The following RPS3A variants were observed in gnomAD, a reference collection of about 807,000 sequenced individuals.
RPS3A encodes small ribosomal subunit protein eS1.
RPS3A carries 1 observed loss-of-function variant against 26.4 expected under a neutral mutation model. The ratio of observed to expected loss-of-function variants is 0.04; its 90% CI spans 0.01 to 0.18. RPS3A has a LOEUF of 0.18. Ranked by LOEUF, RPS3A falls within the 10% of genes least tolerant of loss-of-function variation. The pLI is 1.00. For synonymous variants in RPS3A, 97 were observed against 106.1 expected (o/e 0.91, Z 0.53); for missense variants, 139 against 326.8 (o/e 0.43, Z 4.43).
At position 151,104,641 on chromosome 4, in the gene RPS3A, T is replaced by C. The variant is rs772959029; in HGVS notation, c.*48T>C. 4 of 1,556,426 alleles carry C rather than the reference T, an allele frequency of 2.6e-6. No individual in the cohort carries two copies. Among genetic ancestry groups the C allele is most frequent in the Non-Finnish European group, 1.7e-6 (2 of 1,167,172 alleles). On this transcript the variant is annotated 3_prime_UTR_variant, in exon 6 of 6. Coordinates refer to ENST00000274065, the MANE Select transcript of RPS3A (RefSeq NM_001006.5). The stretch of plus-strand genomic sequence containing the variant: ...AAATAAAAAGTGCTATTTGTGATGG[T>C]TTGCTTCTGAACATTCTTTTTTTAA...
At chr4:151,102,715 G>A (rs1747183693) in intron 3 of RPS3A, 156 bp from the exon 4 acceptor site, 2 of 925,396 alleles carry the variant, frequency 2.2e-6, no homozygotes, top group East Asian at 5.4e-5. Flanking sequence ...TAAGTTCAAG[G>A]AAGTTAATTC....
chr4:151,103,994 G>C, intron 4 of RPS3A, 183 bp from the exon 5 acceptor site: 3 of 1,511,770 alleles, frequency 2.0e-6, no homozygotes, highest in Non-Finnish European at 2.7e-6. Flanking sequence ...ATGTAATTCA[G>C]ATCATCTATC....
chr4:151,100,936 G>T, intron 2 of RPS3A, 39 bp from the exon 3 acceptor site: 2 of 1,447,670 alleles, frequency 1.4e-6, no homozygotes, highest in South Asian at 2.5e-5. Context: ...TGCTTATATG[G>T]TTCCTAAATG....
Position 151,104,354 on chromosome 4 carries a change from G to C in RPS3A, c.673+68G>C, listed in dbSNP as rs1337731723. 6.4e-6 allele frequency: 10 copies of C among 1,551,796 alleles called. No homozygotes were observed. The East Asian group carries it at 2.3e-4, about 36-fold the overall frequency. ...GTTTTTGGGTGGAGGAGGAGTGTGG[G>C]GCCATATCATGGCCTTCTTTTTCTT... On this transcript the variant is annotated intron_variant, in intron 5 of 5. Coordinates refer to ENST00000274065, the MANE Select transcript of RPS3A (RefSeq NM_001006.5).
In RPS3A at chr4:151,104,191, T is replaced by C. The variant is rs1238862299; in HGVS notation, c.578T>C (p.Ile193Thr). 2.5e-6 allele frequency: 4 copies of C among 1,610,636 alleles called. No homozygotes were observed. Among genetic ancestry groups the C allele is most frequent in the African/African-American group, 2.7e-5 (2 of 74,732 alleles). Residue 193 changes from isoleucine to threonine, a missense_variant, in exon 5 of 6, where the codon ATT (isoleucine) becomes ACT (threonine). Physicochemically the swap from Ile to Thr is moderately conservative, Grantham distance 89. Around this residue, in one of 3 missense-constraint regions of RPS3A, gnomAD observed 96 missense variants for 209.8 expected, o/e 0.46. Coordinates refer to ENST00000274065, the MANE Select transcript of RPS3A (RefSeq NM_001006.5). ...EVVNKLIPDS[I>T]GKDIEKACQS... ...CTGGTTTGCAGGATTCCAGACAGCA[T>C]TGGAAAAGACATAGAAAAGGCTTGC...
chr4:151,100,153 A>C (rs977405597), intron 1 of RPS3A, among the ~76,000 whole-genome samples: 2 of 152,184 alleles, frequency 1.3e-5, no homozygotes, highest in African/African-American at 4.8e-5. Flanking sequence ...TTACCAGTAC[A>C]TGCCATTACG....
At position 151,100,918 on chromosome 4, in the gene RPS3A, C is replaced by A; in HGVS notation, c.167-57C>A. On this transcript the variant is annotated intron_variant, in intron 2 of 5. Coordinates refer to ENST00000274065, the MANE Select transcript of RPS3A (RefSeq NM_001006.5). Reference sequence around the variant, plus strand: ...TTAATTTCTACCCTCAGTTTACAGGCTTGACTTTGCTTATATGGTTCCTAA... The same window carrying A: ...TTAATTTCTACCCTCAGTTTACAGGATTGACTTTGCTTATATGGTTCCTAA... The A allele has an allele frequency of 5.6e-6, 7 of 1,254,994 alleles. No homozygotes were observed. The South Asian group carries it at 6.9e-5, about 12-fold the overall frequency. 77.7% of individuals were successfully genotyped at this position (1,254,994 alleles called of 1,614,324 possible). A position where few individuals can be genotyped will look rare whatever the true frequency, so the allele number is the denominator to read the frequency against.
At chr4:151,103,194 C>T (rs1747207838) in intron 4 of RPS3A, 115 bp downstream of exon 4, 4 of 1,442,260 alleles carry the variant, frequency 2.8e-6, no homozygotes, top group African/African-American at 2.8e-5. Context: ...TCTGTGAATC[C>T]TTCTAGCTAT....
At chr4:151,103,909 T>G (rs1454740872) in intron 4 of RPS3A, 4 of 1,481,960 alleles carry the variant, frequency 2.7e-6, no homozygotes, top group Non-Finnish European at 3.6e-6. Context: ...AATATACAGT[T>G]AGCTAAGAGG....
At chr4:151,100,170 CAA>C (rs1284225076) in intron 1 of RPS3A, among the ~76,000 whole-genome samples, 1 of 152,176 alleles carries the variant, frequency 6.6e-6, no homozygotes, top group Non-Finnish European at 1.5e-5. Flanking sequence ...TACGTGCCAG[CAA>C]AGTTAATGAG....
chr4:151,100,188 A>G (rs537553998), intron 1 of RPS3A, among the ~76,000 whole-genome samples: 14 of 152,288 alleles, frequency 9.2e-5, no homozygotes, highest in Non-Finnish European at 1.9e-4. Flanking sequence ...ATGAGATTGC[A>G]TGTTACTCGT....
chr4:151,100,353 T>A, intron 1 of RPS3A, 132 bp from the exon 2 acceptor site: 2 of 608,460 alleles, frequency 3.3e-6, no homozygotes, highest in South Asian at 2.0e-5. Flanking sequence ...TCCCCTCACC[T>A]CACTGTGAGA....
At chr4:151,102,827 A>G (rs781400678) in intron 3 of RPS3A, 44 bp from the exon 4 acceptor site, 10 of 1,565,322 alleles carry the variant, frequency 6.4e-6, no homozygotes, top group East Asian at 4.5e-5. Context: ...GGATAAATGG[A>G]TAACGTAAAA....
intron 1 of RPS3A, 34 bp downstream of exon 1, chr4:151,099,748 G>C (rs1041328063): frequency 1.3e-5 from 20 of 1,596,898 alleles, no homozygotes; most frequent in Non-Finnish European, 1.5e-5. Flanking sequence ...CTTGCTTTTT[G>C]GGGGTCTGCT....
intron 5 of RPS3A, 34 bp from the exon 6 acceptor site, chr4:151,104,438 G>GTTTTTTTTTT (rs1747273537): frequency 5.4e-6 from 2 of 370,514 alleles, no homozygotes; most frequent in South Asian, 3.8e-5. Context: ...ACAGTTTTTT[G>GTTTTTTTTTT]GTTTTTTTTT....
intron 3 of RPS3A, among the ~76,000 whole-genome samples, chr4:151,101,889 C>T (rs545225770): frequency 1.3e-3 from 195 of 152,182 alleles, no homozygotes; most frequent in African/African-American, 4.3e-3. Flanking sequence ...CCCGCCACCA[C>T]GCCCAGCTAA....
chr4:151,103,657 CT>C, intron 4 of RPS3A: 1 of 1,075,670 alleles, frequency 9.3e-7, no homozygotes, highest in Middle Eastern at 4.6e-4. Context: ...GTCCCAGCTA[CT>C]CAGGAGGCTG....
At chr4:151,103,597 C>G in intron 4 of RPS3A, 1 of 1,045,936 alleles carries the variant, frequency 9.6e-7, no homozygotes, top group Non-Finnish European at 1.2e-6. Context: ...TGTTTTTCCC[C>G]TACTTGGAAA....
intron 1 of RPS3A, chr4:151,100,061 A>T: frequency 1.8e-6 from 1 of 556,532 alleles, no homozygotes. Context: ...CTATCCATTC[A>T]GGACCCGTCA....
Sources: allele counts gnomAD v4.1 joint callset (sites outside exome capture counted in the v4.1 genomes callset), GRCh38; gene constraint gnomAD v4.1.1; regional missense constraint gnomAD v4.1.1; transcripts MANE v1.5; gene names NCBI Gene and HGNC (gene_info 2026-07-23, HGNC 2026-07-21).